The following ASAP1 variants were observed in gnomAD, a reference collection of about 807,000 sequenced individuals.
ASAP1 encodes the protein ArfGAP with SH3 domain, ankyrin repeat and PH domain 1.
A neutral mutation model predicts 145.2 loss-of-function variants in ASAP1; 43 were observed. The observed-to-expected ratio is 0.30, with a 90% CI of 0.23 to 0.38. The LOEUF is 0.38. Ranked by LOEUF, ASAP1 falls within the 10% of genes least tolerant of loss-of-function variation. ASAP1 has a pLI of 1.00. For missense variants in ASAP1, 1,018 were observed against 1,355.3 expected (o/e 0.75, Z 3.91); for synonymous variants, 546 against 515.5 (o/e 1.06, Z -0.80).
At chr8:130,296,466 G>A (rs1258689105) in intron 3 of ASAP1, among the ~76,000 whole-genome samples, 1 of 152,022 alleles carries the variant, frequency 6.6e-6, no homozygotes, top group Non-Finnish European at 1.5e-5. Context: ...TTGGTAAGCA[G>A]GGGTCCCTGT....
chr8:130,258,611 C>T (rs918150366), intron 3 of ASAP1, among the ~76,000 whole-genome samples: 5 of 152,196 alleles, frequency 3.3e-5, no homozygotes, highest in African/African-American at 1.2e-4. Flanking sequence ...ATGTCTCCTA[C>T]TCCCTTTGGG....
At chr8:130,094,065 G>A (rs1346143824) in intron 24 of ASAP1, among the ~76,000 whole-genome samples, 2 of 152,136 alleles carry the variant, frequency 1.3e-5, no homozygotes, top group African/African-American at 4.8e-5. Context: ...CTTAATTAGG[G>A]TGTCAGTCAC....
At chr8:130,329,417 G>A (rs552076241) in intron 3 of ASAP1, among the ~76,000 whole-genome samples, 1 of 152,178 alleles carries the variant, frequency 6.6e-6, no homozygotes, top group East Asian at 1.9e-4. Flanking sequence ...ATTGCCAAAG[G>A]GTAGAGCAAA....
chr8:130,059,925 A>T (rs900315530), intron 28 of ASAP1, among the ~76,000 whole-genome samples: 13 of 151,598 alleles, frequency 8.6e-5, no homozygotes, highest in African/African-American at 1.2e-4. Context: ...CAAAAATATT[A>T]AAAAAAAGCC....
intron 27 of ASAP1, among the ~76,000 whole-genome samples, chr8:130,073,562 G>A (rs529111707): frequency 6.6e-6 from 1 of 152,238 alleles, no homozygotes; most frequent in Admixed American, 6.5e-5. Flanking sequence ...CAGTTAAGGG[G>A]GTCGGGAAGG....
At chr8:130,186,615 T>C (rs1333447920) in intron 7 of ASAP1, among the ~76,000 whole-genome samples, 1 of 152,102 alleles carries the variant, frequency 6.6e-6, no homozygotes, top group East Asian at 1.9e-4. Context: ...TCCACGAGGT[T>C]GGTGGTCTGA....
intron 15 of ASAP1, among the ~76,000 whole-genome samples, chr8:130,132,146 C>T (rs1397627083): frequency 6.6e-6 from 1 of 152,196 alleles, no homozygotes; most frequent in African/African-American, 2.4e-5. Context: ...TCCTAGCTTA[C>T]TAGGACTGTT....
intron 27 of ASAP1, among the ~76,000 whole-genome samples, chr8:130,075,201 T>C (rs928077001): frequency 2.6e-5 from 4 of 152,166 alleles, no homozygotes; most frequent in African/African-American, 9.7e-5. Context: ...AAACAGCCCG[T>C]TGGGCAGAGT....
At chr8:130,055,081 G>C (rs1182146287) in intron 29 of ASAP1, among the ~76,000 whole-genome samples, 2 of 152,204 alleles carry the variant, frequency 1.3e-5, no homozygotes, top group African/African-American at 4.8e-5. Flanking sequence ...TTCTTATACA[G>C]TTTACAATCT....
At chr8:130,162,735 G>C (rs200826936) in intron 11 of ASAP1, among the ~76,000 whole-genome samples, 1 of 151,502 alleles carries the variant, frequency 6.6e-6, no homozygotes, top group East Asian at 1.9e-4. Flanking sequence ...GAAGAATGGC[G>C]TGAACCCAGG....
At chr8:130,278,090 A>G (rs1426672088) in intron 3 of ASAP1, among the ~76,000 whole-genome samples, 1 of 152,180 alleles carries the variant, frequency 6.6e-6, no homozygotes, top group Non-Finnish European at 1.5e-5. Flanking sequence ...AAAAAAATCA[A>G]AGGGCCTTAT....
intron 5 of ASAP1, among the ~76,000 whole-genome samples, chr8:130,204,488 G>GAGGCTACATACA (rs1816076874): frequency 2.0e-5 from 3 of 152,112 alleles, no homozygotes; most frequent in Admixed American, 2.0e-4. Flanking sequence ...AGGAGTAAAT[G>GAGGCTACATACA]AGGCTACATA....
At chr8:130,168,613 C>T (rs1462643989) in intron 10 of ASAP1, among the ~76,000 whole-genome samples, 1 of 152,050 alleles carries the variant, frequency 6.6e-6, no homozygotes, top group Non-Finnish European at 1.5e-5. Flanking sequence ...CAGAAACAAA[C>T]AAACAAAAAC....
At position 130,254,747 on chromosome 8, in the gene ASAP1, C is replaced by T. The variant is rs142834654; in HGVS notation, c.187-17753G>A. On this transcript the variant is annotated intron_variant, in intron 3 of 29. Transcript: ENST00000518721. ...GGCTTCAATTTGTAAAGAGAAGTTACCAAACATCAAGTAACTCTTAAAATG... is the reference window on the plus strand; with the variant it reads ...GGCTTCAATTTGTAAAGAGAAGTTATCAAACATCAAGTAACTCTTAAAATG... Among the ~76,000 whole-genome samples, 58 of 152,182 alleles carry T rather than the reference C, an allele frequency of 3.8e-4. No homozygotes were observed. The East Asian group carries it at 0.011, about 28-fold the overall frequency.
chr8:130,207,578 T>C (rs752905845), intron 5 of ASAP1, among the ~76,000 whole-genome samples: 89 of 152,224 alleles, frequency 5.8e-4, no homozygotes, highest in Non-Finnish European at 1.1e-3. Context: ...TAAACCCTTT[T>C]TACAAAAATG....
chr8:130,135,009 C>T (rs183346668), intron 14 of ASAP1, among the ~76,000 whole-genome samples: 1 of 152,128 alleles, frequency 6.6e-6, no homozygotes, highest in Admixed American at 6.5e-5. Flanking sequence ...TCTCTGCTAT[C>T]CATGTAAGGG....
chr8:130,218,625 G>A (rs551930559), intron 4 of ASAP1, among the ~76,000 whole-genome samples: 1 of 152,182 alleles, frequency 6.6e-6, no homozygotes, highest in Admixed American at 6.5e-5. Flanking sequence ...ATAGGAAGAA[G>A]GTGTTGGGAG....
intron 7 of ASAP1, among the ~76,000 whole-genome samples, chr8:130,181,341 T>C (rs915077798): frequency 6.6e-6 from 1 of 152,186 alleles, no homozygotes; most frequent in African/African-American, 2.4e-5. Context: ...TAAATTTTGG[T>C]AGGCATGAAG....
intron 27 of ASAP1, among the ~76,000 whole-genome samples, chr8:130,062,696 T>G (rs974245992): frequency 5.9e-5 from 9 of 152,186 alleles, no homozygotes; most frequent in African/African-American, 2.2e-4. Flanking sequence ...TTCTAGGAAT[T>G]TATCCTAAAA....
Sources: gnomAD v4.1 joint callset for allele counts (sites outside exome capture counted in the v4.1 genomes callset) on GRCh38, gnomAD v4.1.1 for gene constraint, MANE v1.5 for transcripts, NCBI Gene and HGNC (gene_info 2026-07-23, HGNC 2026-07-21) for gene names.